Variants in CNNM2 observed in about 807,000 individuals in gnomAD.
The protein encoded by CNNM2 is metal transporter CNNM2.
Under a neutral mutation model 66.9 loss-of-function variants are expected in CNNM2, and 12 were observed. The ratio of observed to expected loss-of-function variants is 0.18; its 90% CI spans 0.11 to 0.29. CNNM2 has a LOEUF of 0.29. Among genes scored for constraint, CNNM2 ranks in the 10% least tolerant of loss-of-function variants. The pLI, the probability that CNNM2 is intolerant of heterozygous loss-of-function variation, is 1.00. For missense variants in CNNM2, 705 were observed against 1,167.7 expected (o/e 0.60, Z 5.77); for synonymous variants, 557 against 501.8 (o/e 1.11, Z -1.47).
chr10:103,069,157 A>G (rs1382611500), intron 5 of CNNM2, among the ~76,000 whole-genome samples: 1 of 151,568 alleles, frequency 6.6e-6, no homozygotes, highest in African/African-American at 2.4e-5. Flanking sequence ...TGATCACACT[A>G]TTTCCTCTTG....
In CNNM2 at chr10:103,076,264, T is replaced by C; in HGVS notation, c.2412T>C (p.Phe804=). Residue 804 remains phenylalanine (F), a synonymous_variant, in exon 7 of 8, where the codon TTT becomes TTC. Transcript: ENST00000369878. The part of the protein sequence containing the change: ...YSVRALSDLQ[F]VKISRQQYQN... Reference sequence around the variant, plus strand: ...TGCGAGCCCTTTCGGATCTGCAGTTTGTTAAGGTGAGAGACGTGAGTGCAG... The same window carrying C: ...TGCGAGCCCTTTCGGATCTGCAGTTCGTTAAGGTGAGAGACGTGAGTGCAG... 6.4e-7 allele frequency: 1 copy of C among 1,557,344 alleles called. No individual in the cohort carries two copies. Among genetic ancestry groups the C allele is most frequent in the South Asian group, 1.2e-5 (1 of 84,358 alleles).
intron 1 of CNNM2, among the ~76,000 whole-genome samples, chr10:103,028,390 T>G (rs1326817648): frequency 6.6e-6 from 1 of 152,234 alleles, no homozygotes; most frequent in East Asian, 1.9e-4. Flanking sequence ...ATTCATGTTT[T>G]GTGTTTATAA....
chr10:103,017,224 C>G (rs900193051), intron 1 of CNNM2, among the ~76,000 whole-genome samples: 5 of 152,104 alleles, frequency 3.3e-5, no homozygotes, highest in South Asian at 2.1e-4. Flanking sequence ...CTGATAACTT[C>G]TGGAGGAGTG....
intron 1 of CNNM2, among the ~76,000 whole-genome samples, chr10:103,001,689 A>G (rs2064125005): frequency 6.6e-6 from 1 of 152,192 alleles, no homozygotes; most frequent in South Asian, 2.1e-4. Context: ...AATATATCAG[A>G]GACCTAAATG....
rs185008446 is a variant in CNNM2, at chr10:102,955,143, G to T, written c.1621+35042G>T. On this transcript the variant is annotated intron_variant, in intron 1 of 7. Coordinates refer to ENST00000369878, the MANE Select transcript of CNNM2 (RefSeq NM_017649.5). ...CTTCAAACTATGCTACAAGGCTACAGTAACCAAAACAGCATGGTACTGGTG... is the reference window on the plus strand; with the variant it reads ...CTTCAAACTATGCTACAAGGCTACATTAACCAAAACAGCATGGTACTGGTG... 2.0e-5 allele frequency among the ~76,000 whole-genome samples: 3 copies of T among 152,332 alleles called. No individual in the cohort carries two copies. In the South Asian group the frequency reaches 6.2e-4, roughly 32 times the overall value.
intron 5 of CNNM2, 37 bp downstream of exon 5, chr10:103,068,759 G>A (rs916749616): frequency 3.4e-6 from 5 of 1,491,534 alleles, no homozygotes; most frequent in Admixed American, 3.6e-5. Flanking sequence ...GCAGGACCAC[G>A]TGTTAGGAAG....
At chr10:103,046,883 A>G (rs562382277) in intron 1 of CNNM2, among the ~76,000 whole-genome samples, 1 of 152,330 alleles carries the variant, frequency 6.6e-6, no homozygotes, top group East Asian at 1.9e-4. Flanking sequence ...TCAAAACTCC[A>G]TACATAGTAA....
chr10:103,007,585 G>A (rs760481682), intron 1 of CNNM2, among the ~76,000 whole-genome samples: 7 of 152,056 alleles, frequency 4.6e-5, no homozygotes, highest in South Asian at 2.1e-4. Context: ...AAAATAATTC[G>A]CGATATCTTC....
chr10:103,015,475 T>C (rs970815887), intron 1 of CNNM2, among the ~76,000 whole-genome samples: 40 of 53,844 alleles, frequency 7.4e-4, no homozygotes, highest in African/African-American at 2.4e-3. Flanking sequence ...TTTATAACAC[T>C]TACAAATTAT....
intron 1 of CNNM2, among the ~76,000 whole-genome samples, 161 bp downstream of exon 1, chr10:102,920,262 A>T (rs984384628): frequency 2.0e-5 from 3 of 152,058 alleles, no homozygotes; most frequent in Non-Finnish European, 4.4e-5. Flanking sequence ...GGATTTGGGG[A>T]TGGATTGAAC....
At position 103,080,687 on chromosome 10, in the gene CNNM2, C is replaced by T. The variant is rs2065749429; in HGVS notation, c.*3507C>T. Reference sequence around the variant, plus strand: ...GCTTCACACTAATACGGAACAGTAACTGTGAGTATATTTACCTGTGCTGTC... The same window carrying T: ...GCTTCACACTAATACGGAACAGTAATTGTGAGTATATTTACCTGTGCTGTC... On this transcript the variant is annotated 3_prime_UTR_variant, in exon 8 of 8. Coordinates refer to ENST00000369878, the MANE Select transcript of CNNM2 (RefSeq NM_017649.5). 6.6e-6 allele frequency: 1 copy of T among 152,216 alleles called. No individual in the cohort carries two copies. Among genetic ancestry groups the T allele is most frequent in the Admixed American group, 6.5e-5 (1 of 15,278 alleles). 9.4% of individuals were successfully genotyped at this position (152,216 alleles called of 1,614,324 possible).
chr10:102,976,225 A>T (rs2063626721), intron 1 of CNNM2, among the ~76,000 whole-genome samples: 1 of 152,126 alleles, frequency 6.6e-6, no homozygotes, highest in African/African-American at 2.4e-5. Context: ...GGAGAGTGGA[A>T]TTTAGAAGAG....
chr10:102,952,861 T>A (rs1846892679), intron 1 of CNNM2, among the ~76,000 whole-genome samples: 1 of 152,178 alleles, frequency 6.6e-6, no homozygotes, highest in Non-Finnish European at 1.5e-5. Flanking sequence ...ATAGAAGTCC[T>A]TGATGGTTCT....
intron 1 of CNNM2, among the ~76,000 whole-genome samples, chr10:103,030,312 T>A (rs2064799274): frequency 6.6e-6 from 1 of 152,202 alleles, no homozygotes; most frequent in African/African-American, 2.4e-5. Context: ...ATAAGATTAC[T>A]ATGGCATCAG....
rs143476561 is a variant in CNNM2 at position 102,954,322 on chromosome 10, G to T, written c.1621+34221G>T. ...CTTTGTATTTTTGGGGTCTCACTAT[G>T]TGGCTTGGGCTGTATCGAACTTCTG... On this transcript the variant is annotated intron_variant, in intron 1 of 7. Transcript: ENST00000369878. 7.3e-4 allele frequency among the ~76,000 whole-genome samples: 111 copies of T among 151,686 alleles called. 1 individual carries two copies. The highest frequency in any genetic ancestry group is 2.6e-3 in the African/African-American group (108 of 41,362).
chr10:102,988,207 C>A (rs2063832198), intron 1 of CNNM2, among the ~76,000 whole-genome samples: 1 of 152,092 alleles, frequency 6.6e-6, no homozygotes, highest in South Asian at 2.1e-4. Context: ...GAGGCTGAGG[C>A]AGGAGAATCA....
At chr10:102,936,360 A>G (rs530074407) in intron 1 of CNNM2, among the ~76,000 whole-genome samples, 13 of 152,266 alleles carry the variant, frequency 8.5e-5, no homozygotes, top group African/African-American at 2.9e-4. Context: ...TCCTTGATGT[A>G]AGGTTTGGCA....
intron 6 of CNNM2, among the ~76,000 whole-genome samples, chr10:103,075,634 T>TAA (rs2065676980): frequency 6.6e-6 from 1 of 152,236 alleles, no homozygotes; most frequent in Admixed American, 6.5e-5. Context: ...GATCCCTTTA[T>TAA]AATACATACT....
At chr10:102,943,979 G>A (rs780172134) in intron 1 of CNNM2, among the ~76,000 whole-genome samples, 4 of 151,906 alleles carry the variant, frequency 2.6e-5, no homozygotes, top group African/African-American at 7.3e-5. Flanking sequence ...ATACCTAAGG[G>A]ATCCGTAAGT....
Sources: gnomAD v4.1 joint callset for allele counts (sites outside exome capture counted in the v4.1 genomes callset) on GRCh38, gnomAD v4.1.1 for gene constraint, MANE v1.5 for transcripts, NCBI Gene and HGNC (gene_info 2026-07-23, HGNC 2026-07-21) for gene names.